Variants in DNAH6 observed in about 807,000 individuals in gnomAD.
DNAH6 encodes dynein axonemal heavy chain 6.
In DNAH6, 340 loss-of-function variants were observed where a neutral mutation model predicts 491.4. The observed-to-expected ratio is 0.69, with a 90% CI of 0.63 to 0.76. The LOEUF (loss-of-function observed/expected upper bound fraction) is 0.76, where lower values mean the gene tolerates loss of function less well. Among genes scored for constraint, DNAH6 ranks in the 30% least tolerant of loss-of-function variants. The pLI, the probability that DNAH6 is intolerant of heterozygous loss-of-function variation, is 0.00. For missense variants in DNAH6, 4,443 were observed against 4,972.2 expected (o/e 0.89, Z 3.20); for synonymous variants, 1,603 against 1,686.1 (o/e 0.95, Z 1.21).
intron 45 of DNAH6, among the ~76,000 whole-genome samples, 167 bp downstream of exon 45, chr2:84,688,760 T>C (rs1169868018): frequency 6.6e-6 from 1 of 152,226 alleles, no homozygotes; most frequent in East Asian, 1.9e-4. Context: ...TTTTAAATAT[T>C]TGTGGAATGA....
chr2:84,573,011 G>A (rs1190045566), intron 11 of DNAH6, among the ~76,000 whole-genome samples: 1 of 152,210 alleles, frequency 6.6e-6, no homozygotes, highest in Non-Finnish European at 1.5e-5. Context: ...ATATTTTGGA[G>A]TAAGAGACTG....
chr2:84,785,630 A>G lies in DNAH6; in HGVS notation c.10974A>G (p.Lys3658=), dbSNP rs1397407438. The part of the protein sequence containing the change: ...NSVKVTNEPP[K]GLRANIRRAF... ...TCCAGGTGACCAATGAGCCTCCAAA[A>G]GGCTTACGTGCAAATATCAGACGAG... Residue 3658 remains lysine (K), a synonymous_variant, in exon 67 of 77, where the codon AAA becomes AAG. Coordinates refer to ENST00000389394, the MANE Select transcript of DNAH6 (RefSeq NM_001370.2). 1 of 1,540,858 alleles carries G rather than the reference A, an allele frequency of 6.5e-7. No individual in the cohort carries two copies. The highest frequency in any genetic ancestry group is 1.2e-5 in the South Asian group (1 of 81,256).
intron 12 of DNAH6, among the ~76,000 whole-genome samples, chr2:84,576,004 T>C (rs1682405985): frequency 1.3e-5 from 2 of 152,062 alleles, no homozygotes; most frequent in Admixed American, 1.3e-4. Context: ...GAAATAAGAG[T>C]TTTGGACCAA....
rs746470880 is a variant in DNAH6 at position 84,544,471 on chromosome 2, C to G, written c.901C>G (p.Leu301Val). 1 of 1,505,372 alleles carries G rather than the reference C, an allele frequency of 6.6e-7. No homozygotes were observed. The highest frequency in any genetic ancestry group is 1.2e-5 in the South Asian group (1 of 82,574). The allele number at this position is 1,505,372 out of a possible 1,614,324, so 93.3% of individuals were successfully genotyped here. The change falls in exon 5 of 77, where the codon CTA becomes GTA. Residue 301 changes from leucine to valine, a missense_variant. By Grantham distance (32) the Leu-to-Val change is conservative. Coordinates refer to ENST00000389394, the MANE Select transcript of DNAH6 (RefSeq NM_001370.2). ...SKKITGCQKSLQKNLFIVNPH... is the reference protein window; with the variant it reads ...SKKITGCQKSVQKNLFIVNPH... ...GAAAATCACTGGATGTCAAAAATCT[C>G]TACAAAAAAATTTGTTCATTGTTAA...
At chr2:84,666,212 C>G (rs1692109647) in intron 37 of DNAH6, among the ~76,000 whole-genome samples, 1 of 152,150 alleles carries the variant, frequency 6.6e-6, no homozygotes, top group Non-Finnish European at 1.5e-5. Context: ...TGCCCTCTCT[C>G]ACCACTCCTA....
chr2:84,786,424 CAAAAAAAAAA>C (rs34307388), intron 67 of DNAH6, among the ~76,000 whole-genome samples: 3 of 88,794 alleles, frequency 3.4e-5, no homozygotes, highest in Admixed American at 2.4e-4. Context: ...GACTCTGTCT[CAAAAAAAAAA>C]AAAAAAAAAA....
chr2:84,601,754 G>C (rs1442321798), intron 18 of DNAH6, among the ~76,000 whole-genome samples: 1 of 151,674 alleles, frequency 6.6e-6, no homozygotes, highest in Admixed American at 6.6e-5. Flanking sequence ...CTTGCTAGCT[G>C]TTTTATTTAT....
intron 26 of DNAH6, among the ~76,000 whole-genome samples, chr2:84,622,262 T>C (rs11888840): frequency 0.18 from 27,147 of 152,110 alleles, 4,532 homozygotes; most frequent in African/African-American, 0.44. Flanking sequence ...TACCACATGT[T>C]ATGGGATTTC....
chr2:84,524,125 G>A (rs1047882152), intron 2 of DNAH6, among the ~76,000 whole-genome samples: 11 of 151,862 alleles, frequency 7.2e-5, no homozygotes, highest in African/African-American at 2.7e-4. Flanking sequence ...GAATCTGGGT[G>A]CTCCTGTGTT....
At chr2:84,565,611 G>T (rs1170283202) in intron 11 of DNAH6, among the ~76,000 whole-genome samples, 1 of 151,728 alleles carries the variant, frequency 6.6e-6, no homozygotes, top group African/African-American at 2.4e-5. Context: ...TCAATTGTTG[G>T]AGTGCTGGGT....
chr2:84,540,561 T>G (rs1024902261), intron 4 of DNAH6, among the ~76,000 whole-genome samples: 4 of 152,086 alleles, frequency 2.6e-5, no homozygotes, highest in East Asian at 3.8e-4. Flanking sequence ...GAGAAAAAAT[T>G]TTTTAAACCC....
At chr2:84,765,293 T>C (rs937459140) in intron 64 of DNAH6, among the ~76,000 whole-genome samples, 5 of 152,230 alleles carry the variant, frequency 3.3e-5, no homozygotes, top group African/African-American at 9.6e-5. Context: ...AAGGCTCAGA[T>C]CATGTAGATA....
chr2:84,508,638 AG>A, the DNAH6 span, among the ~76,000 whole-genome samples: 1 of 152,014 alleles, frequency 6.6e-6, no homozygotes, highest in Non-Finnish European at 1.5e-5. Flanking sequence ...TTGCTTCTCT[AG>A]TTCTTTTAAT....
intron 53 of DNAH6, 88 bp from the exon 54 acceptor site, chr2:84,707,432 C>A: frequency 8.4e-7 from 1 of 1,188,894 alleles, no homozygotes; most frequent in Non-Finnish European, 1.2e-6. Flanking sequence ...TAATGCTATT[C>A]TGCTATAAAA....
At chr2:84,718,962 T>C (rs937464633) in intron 59 of DNAH6, among the ~76,000 whole-genome samples, 6 of 152,250 alleles carry the variant, frequency 3.9e-5, no homozygotes, top group Admixed American at 3.9e-4. Context: ...GATGAAGTTT[T>C]ACCTTAAACT....
At chr2:84,490,089 A>AT in the DNAH6 span, among the ~76,000 whole-genome samples, 22 of 152,228 alleles carry the variant, frequency 1.4e-4, no homozygotes, top group South Asian at 4.4e-3. Flanking sequence ...AGTTTTTTAC[A>AT]TTTTTTTAAT....
At chr2:84,705,343 A>C in intron 51 of DNAH6, 143 bp from the exon 52 acceptor site, 1 of 829,646 alleles carries the variant, frequency 1.2e-6, no homozygotes, top group Non-Finnish European at 1.8e-6. Flanking sequence ...GGTGCACCTA[A>C]CTACCAATTA....
At chr2:84,759,072 G>A (rs1283723112) in intron 63 of DNAH6, among the ~76,000 whole-genome samples, 5 of 152,002 alleles carry the variant, frequency 3.3e-5, no homozygotes, top group Admixed American at 6.6e-5. Context: ...CACCAAAAAC[G>A]CTTAAATTTG....
intron 31 of DNAH6, among the ~76,000 whole-genome samples, chr2:84,639,861 G>A (rs1455306667): frequency 6.6e-6 from 1 of 152,140 alleles, no homozygotes; most frequent in African/African-American, 2.4e-5. Context: ...AGTGTTTCAG[G>A]CAGATTATAA....
Sources: allele counts gnomAD v4.1 joint callset (sites outside exome capture counted in the v4.1 genomes callset), GRCh38; gene constraint gnomAD v4.1.1; transcripts MANE v1.5; gene names NCBI Gene and HGNC (gene_info 2026-07-23, HGNC 2026-07-21).